EED: variants seen among roughly 807,000 people sequenced by gnomAD.
The protein encoded by EED is embryonic ectoderm development.
A neutral mutation model predicts 61.0 loss-of-function variants in EED; 9 were observed. That is an observed-to-expected ratio of 0.15 (90% CI 0.09 to 0.26). The LOEUF is 0.26. Ranked by LOEUF, EED falls within the 10% of genes least tolerant of loss-of-function variation. The probability of loss-of-function intolerance (pLI) is 1.00; values close to 1 mark genes in which losing one functional copy is unlikely to be tolerated. For missense variants in EED, 315 were observed against 542.3 expected, an observed-to-expected ratio of 0.58 and a Z score of 4.16; for synonymous variants, 187 against 174.4, an observed-to-expected ratio of 1.07 and a Z score of -0.57.
chr11:86,278,641 A>C lies in EED; in HGVS notation c.*116A>C, dbSNP rs140972347. 1.5e-6 allele frequency: 2 copies of C among 1,365,066 alleles called. No individual in the cohort carries two copies. The highest frequency in any genetic ancestry group is 2.0e-6 in the Non-Finnish European group (2 of 1,008,536). 84.6% of individuals were successfully genotyped at this position (1,365,066 alleles called of 1,614,324 possible). A position where few individuals can be genotyped will look rare whatever the true frequency, so the allele number is the denominator to read the frequency against. ...TAGAGTTGTCTTTCAGCATTCAATC[A>C]GGCTGAGCTGAATGTAGTGATGTTT... On this transcript the variant is annotated 3_prime_UTR_variant, in exon 12 of 12. Transcript: ENST00000263360.
At chr11:86,267,699 C>G (rs1397989733) in intron 8 of EED, among the ~76,000 whole-genome samples, 1 of 151,698 alleles carries the variant, frequency 6.6e-6, no homozygotes, top group Admixed American at 6.6e-5. Flanking sequence ...CTCGCAGGTT[C>G]AAGCGATTCT....
At chr11:86,262,639 T>C (rs1945862656) in intron 6 of EED, among the ~76,000 whole-genome samples, 1 of 151,826 alleles carries the variant, frequency 6.6e-6, no homozygotes, top group Non-Finnish European at 1.5e-5. Flanking sequence ...GCCTCCCGAG[T>C]AGCTGGGACT....
downstream of EED, among the ~76,000 whole-genome samples, chr11:86,282,007 A>C (rs1444180972): frequency 6.6e-6 from 1 of 152,244 alleles, no homozygotes; most frequent in African/African-American, 2.4e-5. Flanking sequence ...CATATAGAAG[A>C]GTGAAGAGAG....
chr11:86,276,595 T>A (rs1946236320), intron 9 of EED: 1 of 154,382 alleles, frequency 6.5e-6, no homozygotes, highest in Admixed American at 6.5e-5. Context: ...AGAGCCAGAT[T>A]AATGCCGGAT....
chr11:86,252,132 C>T lies in EED; in HGVS notation c.268-16C>T. Reference sequence around the variant, plus strand: ...AAGATACATTAATCTTTTCTTATTTCATGATTATTTTATAGGAAGATCATA... The same window carrying T: ...AAGATACATTAATCTTTTCTTATTTTATGATTATTTTATAGGAAGATCATA... On this transcript the variant is annotated splice_polypyrimidine_tract_variant and intron_variant, in intron 2 of 11. Transcript: ENST00000263360. 10 of 1,596,140 alleles carry T rather than the reference C, an allele frequency of 6.3e-6. No individual in the cohort carries two copies. The highest frequency in any genetic ancestry group is 8.6e-6 in the Non-Finnish European group (10 of 1,166,434).
At chr11:86,265,539 A>C (rs1470791630) in intron 7 of EED, 2 of 152,206 alleles carry the variant, frequency 1.3e-5, no homozygotes, top group Non-Finnish European at 2.9e-5. Flanking sequence ...AGTAAACAGC[A>C]AATGAAAAAA....
intron 6 of EED, 184 bp from the exon 7 acceptor site, chr11:86,263,988 A>G: frequency 1.8e-6 from 1 of 568,648 alleles, no homozygotes; most frequent in South Asian, 2.3e-5. Context: ...TTCAAACTAT[A>G]GCACTTACCT....
chr11:86,276,874 G>A (rs897291130), intron 9 of EED, 106 bp from the exon 10 acceptor site: 6 of 1,004,554 alleles, frequency 6.0e-6, no homozygotes, highest in Non-Finnish European at 8.1e-6. Context: ...GATTAACCAG[G>A]TTCTAAGAGC....
intron 1 of EED, among the ~76,000 whole-genome samples, chr11:86,247,121 A>G (rs561049472): frequency 1.3e-5 from 2 of 152,316 alleles, no homozygotes; most frequent in African/African-American, 4.8e-5. Context: ...GACAAAATAA[A>G]GCTTATTTTC....
chr11:86,279,600 G>A (rs1367646543), downstream of EED, among the ~76,000 whole-genome samples: 2 of 152,142 alleles, frequency 1.3e-5, no homozygotes, highest in Non-Finnish European at 2.9e-5. Context: ...GAAATGAGGT[G>A]AGCCAGAGAA....
intron 9 of EED, among the ~76,000 whole-genome samples, chr11:86,274,148 T>C (rs1222717527): frequency 6.6e-6 from 1 of 151,948 alleles, no homozygotes; most frequent in African/African-American, 2.4e-5. Flanking sequence ...GTACTGTCTT[T>C]AAATTTACTG....
intron 3 of EED, among the ~76,000 whole-genome samples, chr11:86,254,048 C>CAAAAAAAAAAAAAAAA (rs201298345): frequency 7.1e-5 from 4 of 56,314 alleles, no homozygotes; most frequent in African/African-American, 1.0e-4. Flanking sequence ...AACTCTGTCT[C>CAAAAAAAAAAAAAAAA]AAAAAAAAAA....
At chr11:86,285,764 A>T in the EED span, among the ~76,000 whole-genome samples, 2 of 151,688 alleles carry the variant, frequency 1.3e-5, no homozygotes, top group African/African-American at 4.8e-5. Flanking sequence ...AGCCCAGCTA[A>T]TTTTTGTATT....
At chr11:86,259,686 A>G (rs1945778654) in intron 6 of EED, among the ~76,000 whole-genome samples, 1 of 152,252 alleles carries the variant, frequency 6.6e-6, no homozygotes, top group East Asian at 1.9e-4. Context: ...AAAAATGGCC[A>G]AAAGTTCTGA....
At chr11:86,265,772 G>A (rs1565699129) in intron 7 of EED, 1 of 172,322 alleles carries the variant, frequency 5.8e-6, no homozygotes, top group East Asian at 1.6e-4. Context: ...TTTTAACTTA[G>A]TATTCAATTT....
At chr11:86,251,203 T>C (rs201810956) in intron 2 of EED, among the ~76,000 whole-genome samples, 2 of 152,324 alleles carry the variant, frequency 1.3e-5, no homozygotes, top group East Asian at 1.9e-4. Context: ...GCTATGACTA[T>C]GACATTTTTC....
At chr11:86,254,672 G>C (rs181302815) in intron 3 of EED, among the ~76,000 whole-genome samples, 1 of 151,480 alleles carries the variant, frequency 6.6e-6, no homozygotes, top group East Asian at 2.0e-4. Flanking sequence ...TGCCAGGCTG[G>C]AGTGCAATGG....
intron 3 of EED, among the ~76,000 whole-genome samples, chr11:86,254,795 G>A (rs1945628533): frequency 1.3e-5 from 2 of 152,092 alleles, no homozygotes; most frequent in South Asian, 4.1e-4. Context: ...GCTAATTTTT[G>A]TATTTTTGGT....
At chr11:86,258,462 G>C (rs975753966) in intron 6 of EED, among the ~76,000 whole-genome samples, 1 of 151,752 alleles carries the variant, frequency 6.6e-6, no homozygotes, top group African/African-American at 2.4e-5. Flanking sequence ...AACACTAATT[G>C]GGGCTCAGAT....
Sources: gnomAD v4.1 joint callset for allele counts (sites outside exome capture counted in the v4.1 genomes callset) on GRCh38, gnomAD v4.1.1 for gene constraint, MANE v1.5 for transcripts, NCBI Gene and HGNC (gene_info 2026-07-23, HGNC 2026-07-21) for gene names.